The following INVS variants were observed in gnomAD, a reference collection of about 807,000 sequenced individuals.
The protein encoded by INVS is inversion of embryo turning homolog.
Under a neutral mutation model 108.8 loss-of-function variants are expected in INVS, and 86 were observed. The observed-to-expected ratio is 0.79, with a 90% CI of 0.66 to 0.95. The LOEUF is 0.95. INVS is among the 40% of genes least tolerant of loss of function. INVS has a pLI of 0.00. For synonymous variants in INVS, 455 were observed against 473.5 expected, an observed-to-expected ratio of 0.96 and a Z score of 0.51; for missense variants, 1,169 against 1,297.4, an observed-to-expected ratio of 0.90 and a Z score of 1.52.
intron 3 of INVS, chr9:100,130,949 T>C (rs1217963132): frequency 1.3e-5 from 2 of 152,188 alleles, no homozygotes; most frequent in African/African-American, 4.8e-5. Context: ...TAGTCATTGT[T>C]ATTATTGACA....
intron 5 of INVS, among the ~76,000 whole-genome samples, chr9:100,239,106 C>T (rs1432951680): frequency 6.6e-6 from 1 of 152,190 alleles, no homozygotes; most frequent in Non-Finnish European, 1.5e-5. Context: ...TGAAGATATC[C>T]TTCACCCCAG....
intron 3 of INVS, chr9:100,215,161 G>T (rs930469380): frequency 6.6e-6 from 1 of 152,204 alleles, no homozygotes; most frequent in Non-Finnish European, 1.5e-5. Flanking sequence ...GGATATTTAT[G>T]ATCTGGGACC....
At chr9:100,280,216 C>A (rs1833233741) in intron 12 of INVS, among the ~76,000 whole-genome samples, 1 of 152,192 alleles carries the variant, frequency 6.6e-6, no homozygotes, top group Non-Finnish European at 1.5e-5. Flanking sequence ...AGCCCTCCAG[C>A]AATGTGAAGC....
intron 3 of INVS, 69 bp downstream of exon 3, chr9:100,126,618 T>C (rs1211532618): frequency 2.2e-6 from 3 of 1,390,670 alleles, no homozygotes; most frequent in Non-Finnish European, 3.1e-6. Flanking sequence ...AGTGGAACTA[T>C]GCAATGGACA....
intron 10 of INVS, among the ~76,000 whole-genome samples, chr9:100,254,045 G>T (rs1040642196): frequency 6.6e-6 from 1 of 152,096 alleles, no homozygotes; most frequent in African/African-American, 2.4e-5. Context: ...GTGTAAAAGT[G>T]TTCCTATTTC....
At chr9:100,237,106 G>A (rs891002987) in intron 5 of INVS, among the ~76,000 whole-genome samples, 6 of 152,172 alleles carry the variant, frequency 3.9e-5, no homozygotes, top group Non-Finnish European at 5.9e-5. Flanking sequence ...GCTTTGCTGC[G>A]CTGTGGTGGG....
intron 5 of INVS, among the ~76,000 whole-genome samples, chr9:100,237,267 A>G (rs148537670): frequency 6.6e-6 from 1 of 152,084 alleles, no homozygotes; most frequent in East Asian, 1.9e-4. Flanking sequence ...CGAGAATTTC[A>G]AGCTAGTGGA....
intron 13 of INVS, among the ~76,000 whole-genome samples, chr9:100,291,632 G>C (rs995238118): frequency 6.6e-6 from 1 of 152,084 alleles, no homozygotes; most frequent in African/African-American, 2.4e-5. Flanking sequence ...AGGCATCCTG[G>C]GATATCTCCA....
At chr9:100,230,122 T>G (rs1304336443) in intron 5 of INVS, among the ~76,000 whole-genome samples, 1 of 152,240 alleles carries the variant, frequency 6.6e-6, no homozygotes, top group Admixed American at 6.5e-5. Flanking sequence ...TTTCCTTACT[T>G]TGTTTCATAC....
intron 11 of INVS, among the ~76,000 whole-genome samples, chr9:100,270,640 C>T (rs779095432): frequency 2.7e-5 from 4 of 149,306 alleles, no homozygotes; most frequent in Middle Eastern, 7.0e-3. Context: ...CCCAGCTACT[C>T]GGGAGGCTGA....
At chr9:100,143,988 A>C (rs973685380) in intron 3 of INVS, among the ~76,000 whole-genome samples, 1 of 152,120 alleles carries the variant, frequency 6.6e-6, no homozygotes, top group Non-Finnish European at 1.5e-5. Flanking sequence ...TCTGGGAAGG[A>C]GTCACTCAGA....
chr9:100,225,300 G>T (rs1258854190), intron 3 of INVS, among the ~76,000 whole-genome samples: 1 of 149,424 alleles, frequency 6.7e-6, no homozygotes, highest in Non-Finnish European at 1.5e-5. Flanking sequence ...CACCCGCCTC[G>T]GCCTCCCAAA....
intron 3 of INVS, among the ~76,000 whole-genome samples, chr9:100,142,619 A>C (rs1828469427): frequency 6.6e-6 from 1 of 152,208 alleles, no homozygotes; most frequent in South Asian, 2.1e-4. Flanking sequence ...AGACTCAACA[A>C]AGAGTGAATA....
intron 12 of INVS, among the ~76,000 whole-genome samples, chr9:100,279,069 G>C (rs1007993371): frequency 3.3e-5 from 5 of 152,154 alleles, no homozygotes; most frequent in Non-Finnish European, 5.9e-5. Flanking sequence ...ACCGTTTCTT[G>C]CTTAGAAGAT....
intron 13 of INVS, among the ~76,000 whole-genome samples, chr9:100,288,500 G>C (rs907244027): frequency 6.6e-6 from 1 of 152,118 alleles, no homozygotes; most frequent in African/African-American, 2.4e-5. Context: ...TCTAATTTGA[G>C]TGGCTTAGAT....
chr9:100,276,908 C>T (rs1029734505), intron 12 of INVS, among the ~76,000 whole-genome samples: 10 of 152,210 alleles, frequency 6.6e-5, no homozygotes, highest in African/African-American at 2.4e-4. Flanking sequence ...TACCACCACC[C>T]TCTCACTTGA....
intron 2 of INVS, chr9:100,121,008 A>G (rs907086259): frequency 2.2e-4 from 33 of 152,228 alleles, no homozygotes; most frequent in African/African-American, 8.0e-4. Flanking sequence ...TATGTAGCCC[A>G]GAAAGAGCCT....
chr9:100,146,739 AAC>A (rs1257532727), intron 3 of INVS, among the ~76,000 whole-genome samples: 1 of 152,240 alleles, frequency 6.6e-6, no homozygotes, highest in African/African-American at 2.4e-5. Context: ...AAGAGAAAAT[AAC>A]AGAGGTAGTA....
intron 16 of INVS, among the ~76,000 whole-genome samples, chr9:100,299,635 G>GACACACAC (rs10530240): frequency 9.8e-4 from 130 of 132,362 alleles, no homozygotes; most frequent in Middle Eastern, 3.8e-3. Flanking sequence ...GCCTTTTATT[G>GACACACAC]ACACACACAC....
Sources: gnomAD v4.1 joint callset for allele counts (sites outside exome capture counted in the v4.1 genomes callset) on GRCh38, gnomAD v4.1.1 for gene constraint, MANE v1.5 for transcripts, NCBI Gene and HGNC (gene_info 2026-07-23, HGNC 2026-07-21) for gene names.